Variants in CLASRP observed in about 807,000 individuals in gnomAD.
CLASRP encodes the protein CLK4-associating serine/arginine rich protein.
Under a neutral mutation model 99.9 loss-of-function variants are expected in CLASRP, and 52 were observed. That is an observed-to-expected ratio of 0.52 (90% CI 0.42 to 0.66). The LOEUF (loss-of-function observed/expected upper bound fraction) is 0.66. CLASRP is among the 30% of genes least tolerant of loss of function. CLASRP has a pLI of 0.00. For missense variants in CLASRP, 848 were observed against 999.2 expected (o/e 0.85, Z 2.04); for synonymous variants, 379 against 373.0 (o/e 1.02, Z -0.18).
rs1297216020 is a variant in CLASRP, at chr19:45,067,049, G to T, written c.1410-288G>T. Among the ~76,000 whole-genome samples the T allele has an allele frequency of 6.6e-6, 1 of 152,218 alleles. No individual in the cohort carries two copies. Among genetic ancestry groups the T allele is most frequent in the Non-Finnish European group, 1.5e-5 (1 of 68,052 alleles). On this transcript the variant is annotated intron_variant, in intron 13 of 20. Coordinates refer to ENST00000221455, the MANE Select transcript of CLASRP (RefSeq NM_007056.3). The surrounding 1 kb of genome is among the most constrained non-coding windows in gnomAD (Gnocchi z 4.9). ...ATCCCTCCCAGAGCTCACCTCCCGG[G>T]AAGTTAGCAAGCGGGTGTCTAGTGA...
Position 45,050,014 on chromosome 19 carries a change from G to A in CLASRP, c.100-2057G>A, listed in dbSNP as rs867827932. Among the ~76,000 whole-genome samples the A allele has an allele frequency of 4.7e-4, 72 of 152,146 alleles. 1 individual carries two copies. The highest frequency in any genetic ancestry group is 1.6e-3 in the African/African-American group (65 of 41,428). ...CTATTTAGATAGAGTCACTGAGGAC[G>A]GCTTTTAGGAGGAGATCTGAAATAA... On this transcript the variant is annotated intron_variant, in intron 2 of 20. Coordinates refer to ENST00000221455, the MANE Select transcript of CLASRP (RefSeq NM_007056.3).
In CLASRP at chr19:45,069,118, G is replaced by A. The variant is rs138019578; in HGVS notation, c.1821G>A (p.Glu607=). 4.9e-5 allele frequency: 79 copies of A among 1,614,084 alleles called. No homozygotes were observed. Among genetic ancestry groups the A allele is most frequent in the Non-Finnish European group, 6.5e-5 (77 of 1,180,038 alleles). ...AAAAGATGATCCAGCAGGAGCATGA[G>A]CGGCAGGTGAAGTGGGAAAGGGAGG... ...AQEKMIQQEH[E]RQEREDELRA... Residue 607 remains glutamate (E), a synonymous_variant, in exon 17 of 21, where the codon GAG becomes GAA. Coordinates refer to ENST00000221455, the MANE Select transcript of CLASRP (RefSeq NM_007056.3).
intron 7 of CLASRP, 58 bp from the exon 8 acceptor site, chr19:45,059,210 C>A (rs1395997511): frequency 6.9e-7 from 1 of 1,443,880 alleles, no homozygotes; most frequent in South Asian, 1.2e-5. Context: ...GAGCACTGCC[C>A]CTTCTCCCCT....
chr19:45,047,052 C>T (rs1399989987), intron 2 of CLASRP, among the ~76,000 whole-genome samples: 1 of 151,936 alleles, frequency 6.6e-6, no homozygotes, highest in African/African-American at 2.4e-5. Context: ...GATTTTGGAT[C>T]TTGAAGAGGT....
At position 45,064,344 on chromosome 19, in the gene CLASRP, C is replaced by T. The variant is rs1967020761; in HGVS notation, c.1123C>T (p.Arg375Cys). 6.5e-7 allele frequency: 1 copy of T among 1,527,378 alleles called. No homozygotes were observed. The allele number at this position is 1,527,378 out of a possible 1,614,324, so 94.6% of individuals were successfully genotyped here. The change falls in exon 13 of 21, where the codon CGC becomes TGC. Residue 375 changes from arginine to cysteine, a missense_variant and splice_region_variant. By Grantham distance (180) the Arg-to-Cys change is radical (BLOSUM62 -3). Around this residue, in one of 8 missense-constraint regions of CLASRP, gnomAD observed 489 missense variants for 434.7 expected, o/e 1.12. Coordinates refer to ENST00000221455, the MANE Select transcript of CLASRP (RefSeq NM_007056.3). ...CGGCCCTCCGTGCCCCGCCTGCAGCCGCCGCTCCTCCTCCTCCTCCTCCTC... is the reference window on the plus strand; with the variant it reads ...CGGCCCTCCGTGCCCCGCCTGCAGCTGCCGCTCCTCCTCCTCCTCCTCCTC... ...PAPGRNASARRRSSSSSSSSS... is the reference protein window; with the variant it reads ...PAPGRNASARCRSSSSSSSSS...
chr19:45,070,862 TGGGGA>T lies in CLASRP; in HGVS notation c.*20_*24del. 4 of 1,006,440 alleles carry T rather than the reference TGGGGA, an allele frequency of 4.0e-6. No homozygotes were observed. Among genetic ancestry groups the T allele is most frequent in the Non-Finnish European group, 4.3e-6 (3 of 697,592 alleles). The allele number at this position is 1,006,440 out of a possible 1,614,324, so 62.3% of individuals were successfully genotyped here. ...CGACATTAGGCAGAAGAGTGGGGGG[TGGGGA>T]GGACAAGGGGGTGGGTAAGGGGCTC... On this transcript the variant is annotated 3_prime_UTR_variant, in exon 21 of 21. Transcript: ENST00000221455.
At chr19:45,070,731 A>C in intron 20 of CLASRP, 72 bp from the exon 21 acceptor site, 2 of 1,388,040 alleles carry the variant, frequency 1.4e-6, no homozygotes, top group Non-Finnish European at 2.1e-6. Flanking sequence ...CCGATCACTG[A>C]AGCATCCACG....
chr19:45,053,074 T>G (rs755235347), intron 4 of CLASRP, 24 bp from the exon 5 acceptor site: 4 of 1,613,646 alleles, frequency 2.5e-6, no homozygotes, highest in Non-Finnish European at 3.4e-6. Flanking sequence ...CTCTCTGATT[T>G]CAAGGTCTCG....
At chr19:45,070,775 C>T (rs1171151910) in intron 20 of CLASRP, 28 bp from the exon 21 acceptor site, 3 of 1,603,588 alleles carry the variant, frequency 1.9e-6, no homozygotes, top group South Asian at 2.2e-5. Context: ...ATGCCCCATC[C>T]TCACGGCCCC....
In CLASRP at chr19:45,067,064, G is replaced by A. The variant is rs1472375843; in HGVS notation, c.1410-273G>A. Among the ~76,000 whole-genome samples the A allele has an allele frequency of 6.6e-6, 1 of 152,224 alleles. No homozygotes were observed. The highest frequency in any genetic ancestry group is 1.5e-5 in the Non-Finnish European group (1 of 68,040). On this transcript the variant is annotated intron_variant, in intron 13 of 20. Transcript: ENST00000221455. The surrounding 1 kb of genome is among the most constrained non-coding windows in gnomAD (Gnocchi z 4.9). ...CACCTCCCGGGAAGTTAGCAAGCGG[G>A]TGTCTAGTGAGGGAGAGGTGACGTG...
intron 2 of CLASRP, 93 bp downstream of exon 2, chr19:45,040,404 A>G (rs752997768): frequency 4.6e-5 from 37 of 802,814 alleles, no homozygotes; most frequent in Non-Finnish European, 7.0e-5. Context: ...AAGTATGTCA[A>G]GACAAGAGGC....
At position 45,064,071 on chromosome 19, in the gene CLASRP, G is replaced by C; in HGVS notation, c.965G>C (p.Arg322Pro). 1 of 1,612,512 alleles carries C rather than the reference G, an allele frequency of 6.2e-7. No individual in the cohort carries two copies. The highest frequency in any genetic ancestry group is 8.5e-7 in the Non-Finnish European group (1 of 1,179,848). The change falls in exon 12 of 21, where the codon CGC becomes CCC. Residue 322 changes from arginine (R) to proline (P), a missense_variant. By Grantham distance (103) the Arg-to-Pro change is moderately radical. This residue lies in a region of CLASRP where 489 missense variants were observed against 434.7 expected (regional missense o/e 1.12). Coordinates refer to ENST00000221455, the MANE Select transcript of CLASRP (RefSeq NM_007056.3). ...RSRSRSPTPG[R>P]EEKITFITSF... ...CGCTCCCGCTCCCCGACCCCGGGCC[G>C]CGAGGAGAAGATCACGTTCATCACC... is the stretch of plus-strand genomic sequence containing the variant.
At chr19:45,044,335 TG>T (rs1360140051) in intron 2 of CLASRP, among the ~76,000 whole-genome samples, 1 of 152,220 alleles carries the variant, frequency 6.6e-6, no homozygotes, top group African/African-American at 2.4e-5. Flanking sequence ...GGCAGTTCTG[TG>T]GTAACCACTG....
intron 8 of CLASRP, among the ~76,000 whole-genome samples, 179 bp downstream of exon 8, chr19:45,059,543 G>A (rs1966892419): frequency 6.6e-6 from 1 of 152,204 alleles, no homozygotes; most frequent in African/African-American, 2.4e-5. Flanking sequence ...CTTCATCTGT[G>A]CAGAAACAGG....
At chr19:45,051,374 C>T (rs1972020349) in intron 2 of CLASRP, among the ~76,000 whole-genome samples, 1 of 151,892 alleles carries the variant, frequency 6.6e-6, no homozygotes, top group South Asian at 2.1e-4. Context: ...AGTGCGGTGA[C>T]ACAATCTCAG....
intron 10 of CLASRP, 75 bp from the exon 11 acceptor site, chr19:45,062,079 G>T: frequency 1.1e-6 from 1 of 905,242 alleles, no homozygotes; most frequent in South Asian, 1.3e-5. Context: ...TCCTCAGGTT[G>T]GCGGGCTTAT....
intron 13 of CLASRP, among the ~76,000 whole-genome samples, chr19:45,066,822 G>T (rs965801524): frequency 3.3e-5 from 5 of 152,044 alleles, no homozygotes; most frequent in African/African-American, 7.2e-5. Context: ...AGTGTCCTGA[G>T]CAGGGAGAGG....
rs754621756 is a variant in CLASRP at position 45,067,623 on chromosome 19, G to T, written c.1667+29G>T. ...AGCGGGGCGGGTCTGGAGGAAGAGG[G>T]CTGCCAATCTCGGGTGGGGAGGGTG... On this transcript the variant is annotated intron_variant, in intron 14 of 20. Transcript: ENST00000221455. This position sits in a 1 kb window ranked among gnomAD's most constrained non-coding sequence, Gnocchi z 4.9. 2.6e-6 allele frequency: 4 copies of T among 1,557,762 alleles called. No individual in the cohort carries two copies. Among genetic ancestry groups the T allele is most frequent in the Non-Finnish European group, 3.5e-6 (4 of 1,151,100 alleles).
At chr19:45,070,209 G>A (rs1967204746) in intron 19 of CLASRP, 105 bp downstream of exon 19, 7 of 770,176 alleles carry the variant, frequency 9.1e-6, no homozygotes, top group African/African-American at 1.7e-5. Context: ...GCTCACGCCT[G>A]TAATCCCAGC....
Sources: gnomAD v4.1 joint callset for allele counts (sites outside exome capture counted in the v4.1 genomes callset) on GRCh38, gnomAD v4.1.1 for gene constraint, gnomAD v4.1.1 regional missense constraint, Gnocchi (gnomAD v3.1) non-coding constraint, MANE v1.5 for transcripts, NCBI Gene and HGNC (gene_info 2026-07-23, HGNC 2026-07-21) for gene names.